TSC22D1: variants seen among roughly 807,000 people sequenced by gnomAD.
The protein encoded by TSC22D1 is TSC22 domain family member 1, also known as TSC22 domain family protein 1.
Under a neutral mutation model 74.2 loss-of-function variants are expected in TSC22D1, and 9 were observed. The ratio of observed to expected loss-of-function variants is 0.12; its 90% CI spans 0.07 to 0.21. The LOEUF is 0.21. Among genes scored for constraint, TSC22D1 ranks in the 10% least tolerant of loss-of-function variants. The pLI is 1.00. For missense variants in TSC22D1, 1,427 were observed against 1,304.7 expected (o/e 1.09, Z -1.44); for synonymous variants, 586 against 492.5 (o/e 1.19, Z -2.51).
At chr13:44,544,747 G>A (rs574143505) in intron 1 of TSC22D1, among the ~76,000 whole-genome samples, 207 of 151,874 alleles carry the variant, frequency 1.4e-3, no homozygotes, top group African/African-American at 4.2e-3. Context: ...TCAACCTTTT[G>A]GAAAATATAC....
intron 1 of TSC22D1, among the ~76,000 whole-genome samples, chr13:44,448,368 C>A (rs1261938501): frequency 6.6e-6 from 1 of 152,122 alleles, no homozygotes; most frequent in African/African-American, 2.4e-5. Context: ...AACCAACTAA[C>A]CATTTTTCTA....
At chr13:44,445,782 TATTA>T (rs1327746356) in intron 1 of TSC22D1, among the ~76,000 whole-genome samples, 2 of 152,138 alleles carry the variant, frequency 1.3e-5, no homozygotes, top group Non-Finnish European at 2.9e-5. Context: ...TGCTGAATGC[TATTA>T]ATTGTTAGAG....
intron 1 of TSC22D1, among the ~76,000 whole-genome samples, chr13:44,481,679 TAC>T (rs1878184308): frequency 6.6e-6 from 1 of 152,184 alleles, no homozygotes; most frequent in African/African-American, 2.4e-5. Flanking sequence ...TGGATATATC[TAC>T]AGTCGTGGTC....
intron 1 of TSC22D1, among the ~76,000 whole-genome samples, chr13:44,550,740 A>G (rs930661389): frequency 2.0e-5 from 3 of 151,910 alleles, no homozygotes; most frequent in African/African-American, 7.3e-5. Flanking sequence ...TTCAAAACCA[A>G]TCAGCCCAGC....
intron 1 of TSC22D1, among the ~76,000 whole-genome samples, chr13:44,504,623 AT>A (rs1491548540): frequency 7.1e-6 from 1 of 141,060 alleles, no homozygotes; most frequent in South Asian, 2.2e-4. Flanking sequence ...AAAAAAAAAA[AT>A]TTTCAAGCAA....
chr13:44,514,212 G>C (rs578032867), intron 1 of TSC22D1, among the ~76,000 whole-genome samples: 10 of 151,892 alleles, frequency 6.6e-5, no homozygotes, highest in African/African-American at 2.4e-4. Flanking sequence ...AATCCACTCA[G>C]TGCACCAAAA....
intron 1 of TSC22D1, among the ~76,000 whole-genome samples, chr13:44,475,143 C>T (rs766693240): frequency 1.2e-4 from 18 of 151,532 alleles, no homozygotes; most frequent in Non-Finnish European, 2.2e-4. Flanking sequence ...AATTATGAGA[C>T]GGAAAATGTA....
chr13:44,444,796 T>C (rs889574210), intron 1 of TSC22D1, among the ~76,000 whole-genome samples: 11 of 152,272 alleles, frequency 7.2e-5, no homozygotes, highest in South Asian at 2.1e-4. Context: ...TTTATTTCAA[T>C]AAATTTAACA....
At chr13:44,454,509 C>T (rs763865215) in intron 1 of TSC22D1, among the ~76,000 whole-genome samples, 2 of 152,194 alleles carry the variant, frequency 1.3e-5, no homozygotes, top group Non-Finnish European at 2.9e-5. Flanking sequence ...ACTCCCACAC[C>T]AGGGGCAATT....
intron 1 of TSC22D1, among the ~76,000 whole-genome samples, chr13:44,479,916 A>C (rs965534268): frequency 1.2e-4 from 19 of 152,232 alleles, no homozygotes; most frequent in Admixed American, 8.5e-4. Context: ...CTATGATTCT[A>C]GGCTGGCCCT....
intron 1 of TSC22D1, among the ~76,000 whole-genome samples, chr13:44,559,994 T>C (rs1008316677): frequency 7.2e-5 from 11 of 151,970 alleles, no homozygotes; most frequent in East Asian, 3.9e-4. Flanking sequence ...ACCCAGTCTC[T>C]AAAAATTAGT....
At chr13:44,473,625 G>GTA (rs1184367263) in intron 1 of TSC22D1, among the ~76,000 whole-genome samples, 30 of 125,722 alleles carry the variant, frequency 2.4e-4, no homozygotes, top group African/African-American at 8.8e-4. Context: ...GTGTGTGTGT[G>GTA]TATATATTTA....
In TSC22D1 at chr13:44,513,757, A is replaced by G. The variant is rs528855882; in HGVS notation, c.2912+59406T>C. On this transcript the variant is annotated intron_variant, in intron 1 of 2. Transcript: ENST00000458659. ...GCAGTATCAACCAGGGCAATGCTGAACCGCAGTAGAGAATCTTTTCTCTTC... is the reference window on the plus strand; with the variant it reads ...GCAGTATCAACCAGGGCAATGCTGAGCCGCAGTAGAGAATCTTTTCTCTTC... 1.8e-4 allele frequency among the ~76,000 whole-genome samples: 28 copies of G among 152,332 alleles called. No homozygotes were observed. The East Asian group carries it at 4.6e-3, about 25-fold the overall frequency.
intron 1 of TSC22D1, among the ~76,000 whole-genome samples, chr13:44,536,020 C>A (rs533355528): frequency 1.1e-4 from 16 of 151,790 alleles, no homozygotes; most frequent in African/African-American, 3.6e-4. Flanking sequence ...TGTCTGTAAA[C>A]CTTTTAATAG....
chr13:44,553,933 G>A (rs186127572), intron 1 of TSC22D1, among the ~76,000 whole-genome samples: 7 of 152,286 alleles, frequency 4.6e-5, no homozygotes, highest in South Asian at 2.1e-4. Flanking sequence ...TTCCTGTAGG[G>A]ATTGTCTTAT....
chr13:44,451,920 AG>A (rs1435289448), intron 1 of TSC22D1, among the ~76,000 whole-genome samples: 2 of 152,202 alleles, frequency 1.3e-5, no homozygotes, highest in Non-Finnish European at 2.9e-5. Context: ...AAACTCACCA[AG>A]GGCTCCCTGG....
At chr13:44,481,699 C>T (rs372841375) in intron 1 of TSC22D1, among the ~76,000 whole-genome samples, 2 of 152,162 alleles carry the variant, frequency 1.3e-5, no homozygotes, top group Admixed American at 6.5e-5. Flanking sequence ...GTCCATGATG[C>T]TGGCAGATAA....
chr13:44,526,656 T>C (rs1179951898), intron 1 of TSC22D1, among the ~76,000 whole-genome samples: 1 of 152,228 alleles, frequency 6.6e-6, no homozygotes, highest in Non-Finnish European at 1.5e-5. Context: ...CAAAAAGGCA[T>C]AGCTGACTGG....
intron 1 of TSC22D1, among the ~76,000 whole-genome samples, chr13:44,441,762 T>TA (rs1189976667): frequency 6.6e-6 from 1 of 152,186 alleles, no homozygotes; most frequent in Non-Finnish European, 1.5e-5. Context: ...GTATTTTGAT[T>TA]AAAAAATTTA....
Sources: allele counts gnomAD v4.1 joint callset (sites outside exome capture counted in the v4.1 genomes callset), GRCh38; gene constraint gnomAD v4.1.1; transcripts MANE v1.5; gene names NCBI Gene and HGNC (gene_info 2026-07-23, HGNC 2026-07-21).